SGCZ: variants seen among roughly 807,000 people sequenced by gnomAD.
The protein encoded by SGCZ is sarcoglycan zeta, also known as zeta-sarcoglycan.
In SGCZ, 40 loss-of-function variants were observed where a neutral mutation model predicts 41.3. That is an observed-to-expected ratio of 0.97 (90% CI 0.75 to 1.26). The LOEUF is 1.26. Ranked by LOEUF, SGCZ falls within the 50% of genes most tolerant of loss-of-function variation. SGCZ has a pLI of 0.00. For missense variants in SGCZ, 552 were observed against 369.8 expected, an observed-to-expected ratio of 1.49 and a Z score of -4.04; for synonymous variants, 206 against 137.5, an observed-to-expected ratio of 1.50 and a Z score of -3.49.
intron 5 of SGCZ, among the ~76,000 whole-genome samples, chr8:14,135,578 A>C (rs755380486): frequency 7.2e-5 from 11 of 152,202 alleles, no homozygotes; most frequent in Non-Finnish European, 1.3e-4. Flanking sequence ...AATCTCACAA[A>C]ATGCAAACTA....
At chr8:14,964,432 A>T (rs1034751849) in intron 1 of SGCZ, among the ~76,000 whole-genome samples, 2 of 152,208 alleles carry the variant, frequency 1.3e-5, no homozygotes, top group African/African-American at 4.8e-5. Flanking sequence ...AGGACTTTAG[A>T]GCTTCAAATT....
chr8:15,010,303 CAT>C (rs1791557108), intron 1 of SGCZ, among the ~76,000 whole-genome samples: 1 of 152,066 alleles, frequency 6.6e-6, no homozygotes, highest in African/African-American at 2.4e-5. Context: ...CAGAAAATAA[CAT>C]TATTAGTTTC....
chr8:15,052,244 A>T (rs552422035), intron 1 of SGCZ, among the ~76,000 whole-genome samples: 14 of 152,328 alleles, frequency 9.2e-5, no homozygotes, highest in African/African-American at 3.4e-4. Flanking sequence ...GGAGCTAAAG[A>T]AAAGTCCTCC....
intron 1 of SGCZ, among the ~76,000 whole-genome samples, chr8:15,094,993 C>T (rs944829724): frequency 2.0e-5 from 3 of 152,190 alleles, no homozygotes; most frequent in African/African-American, 7.2e-5. Flanking sequence ...TACAAGGAGC[C>T]ACAGTGTTAC....
At chr8:14,159,249 G>A (rs533921156) in intron 5 of SGCZ, among the ~76,000 whole-genome samples, 27 of 152,094 alleles carry the variant, frequency 1.8e-4, no homozygotes, top group Admixed American at 4.6e-4. Context: ...CCACTTTTTT[G>A]GTGGCTGCAG....
chr8:14,348,680 G>C (rs967534263), intron 2 of SGCZ, among the ~76,000 whole-genome samples: 1 of 152,178 alleles, frequency 6.6e-6, no homozygotes, highest in African/African-American at 2.4e-5. Context: ...ATTATAGTTG[G>C]AAAGATATCT....
At chr8:14,410,481 A>T (rs1037944718) in intron 2 of SGCZ, among the ~76,000 whole-genome samples, 1 of 152,014 alleles carries the variant, frequency 6.6e-6, no homozygotes, top group African/African-American at 2.4e-5. Context: ...AAATTCACAG[A>T]AGGATGGAAT....
chr8:15,210,346 T>A (rs1454213394), intron 1 of SGCZ, among the ~76,000 whole-genome samples: 1 of 152,098 alleles, frequency 6.6e-6, no homozygotes, highest in African/African-American at 2.4e-5. Flanking sequence ...CATGGCTCTC[T>A]CTCCTCCCAA....
intron 4 of SGCZ, among the ~76,000 whole-genome samples, chr8:14,179,273 C>G (rs1804645774): frequency 6.6e-6 from 1 of 152,224 alleles, no homozygotes; most frequent in African/African-American, 2.4e-5. Context: ...GTGGTGCCCC[C>G]TGTACATGCA....
chr8:15,198,365 T>C (rs989877326), intron 1 of SGCZ, among the ~76,000 whole-genome samples: 13 of 152,038 alleles, frequency 8.6e-5, no homozygotes, highest in Non-Finnish European at 1.3e-4. Context: ...CATGATTCTT[T>C]TATATAATAA....
At chr8:14,899,451 C>A (rs1028493865) in intron 1 of SGCZ, among the ~76,000 whole-genome samples, 1 of 152,140 alleles carries the variant, frequency 6.6e-6, no homozygotes, top group African/African-American at 2.4e-5. Context: ...AATAGAAGCA[C>A]AGAATGTGAT....
At chr8:14,882,046 A>T (rs939891170) in intron 1 of SGCZ, among the ~76,000 whole-genome samples, 1 of 152,252 alleles carries the variant, frequency 6.6e-6, no homozygotes, top group Non-Finnish European at 1.5e-5. Context: ...GAGATAACAT[A>T]CCTGAATTTC....
chr8:14,767,340 G>GT (rs1800069664), intron 1 of SGCZ, among the ~76,000 whole-genome samples: 1 of 152,194 alleles, frequency 6.6e-6, no homozygotes, highest in Non-Finnish European at 1.5e-5. Context: ...GTAGACTAAA[G>GT]TAAGTTTAGA....
At chr8:14,687,338 T>A (rs13268705) in intron 1 of SGCZ, among the ~76,000 whole-genome samples, 1 of 55,324 alleles carries the variant, frequency 1.8e-5, no homozygotes, top group African/African-American at 4.2e-4. Context: ...AAGCTATCCC[T>A]CCCCCCTCCC....
At chr8:14,695,713 A>AC (rs201986968) in intron 1 of SGCZ, among the ~76,000 whole-genome samples, 12,952 of 152,034 alleles carry the variant, frequency 0.085, 685 homozygotes, top group South Asian at 0.13. Flanking sequence ...ACACACACAC[A>AC]AACCAACAAT....
intron 3 of SGCZ, among the ~76,000 whole-genome samples, chr8:14,259,342 T>C (rs1563218231): frequency 1.3e-5 from 2 of 151,962 alleles, no homozygotes; most frequent in Admixed American, 6.6e-5. Context: ...ATTTTGTCTT[T>C]TGTTGCCATT....
rs142672859 is a variant in SGCZ at position 14,836,701 on chromosome 8, G to A, written c.40-281775C>T. 3.0e-3 allele frequency among the ~76,000 whole-genome samples: 451 copies of A among 152,174 alleles called. 2 individuals are homozygous for A. The highest frequency in any genetic ancestry group is 9.6e-3 in the African/African-American group (399 of 41,526). On this transcript the variant is annotated intron_variant, in intron 1 of 7. Transcript: ENST00000382080. Reference sequence around the variant, plus strand: ...TTTTTAGTAGAGACACGGTTTTACCGTGTTGGCCAGGCTGGTCTCAAACTC... The same window carrying A: ...TTTTTAGTAGAGACACGGTTTTACCATGTTGGCCAGGCTGGTCTCAAACTC...
chr8:14,626,288 T>C (rs1048913558), intron 1 of SGCZ, among the ~76,000 whole-genome samples: 4 of 152,138 alleles, frequency 2.6e-5, no homozygotes, highest in Non-Finnish European at 4.4e-5. Flanking sequence ...ATCAGCTATT[T>C]GTCCTGACGC....
intron 1 of SGCZ, among the ~76,000 whole-genome samples, chr8:15,182,898 T>C (rs546828323): frequency 6.6e-6 from 1 of 152,242 alleles, no homozygotes. Flanking sequence ...ATTTTCTTTC[T>C]TTATATCTTT....
Sources: gnomAD v4.1 joint callset for allele counts (sites outside exome capture counted in the v4.1 genomes callset) on GRCh38, gnomAD v4.1.1 for gene constraint, MANE v1.5 for transcripts, NCBI Gene and HGNC (gene_info 2026-07-23, HGNC 2026-07-21) for gene names.